The following PPM1B variants were observed in gnomAD, a reference collection of about 807,000 sequenced individuals.
PPM1B encodes the protein protein phosphatase 1B.
PPM1B carries 22 observed loss-of-function variants against 43.0 expected under a neutral mutation model. That is an observed-to-expected ratio of 0.51 (90% CI 0.37 to 0.73). PPM1B has a LOEUF of 0.73. PPM1B is among the 30% of genes least tolerant of loss of function. PPM1B has a pLI of 0.00. For synonymous variants in PPM1B, 217 were observed against 197.9 expected (o/e 1.10, Z -0.81); for missense variants, 632 against 584.2 (o/e 1.08, Z -0.84).
chr2:44,186,571 C>T (rs1350039440), intron 1 of PPM1B, among the ~76,000 whole-genome samples: 7 of 152,094 alleles, frequency 4.6e-5, no homozygotes, highest in African/African-American at 1.7e-4. Flanking sequence ...GACAGGGTCT[C>T]ACTATGTTGC....
At position 44,201,857 on chromosome 2, in the gene PPM1B, G is replaced by C. The variant is rs1295049406; in HGVS notation, c.658G>C (p.Val220Leu). 1 of 1,614,064 alleles carries C rather than the reference G, an allele frequency of 6.2e-7. No homozygotes were observed. Residue 220 changes from valine (V) to leucine (L), a missense_variant, in exon 2 of 6, where the codon GTT becomes CTT. By Grantham distance (32) the Val-to-Leu change is conservative. Around this residue, in one of 3 missense-constraint regions of PPM1B, gnomAD observed 40 missense variants for 80.8 expected, o/e 0.50. Transcript: ENST00000282412. This position sits in a 1 kb window ranked among gnomAD's most constrained non-coding sequence, Gnocchi z 5.4. ...VDGKGPTEQL[V>L]SPEPEVYEIL... ...TGGCAAGGGCCCAACAGAACAACTT[G>C]TTTCTCCAGAGCCTGAGGTTTATGA...
intron 1 of PPM1B, among the ~76,000 whole-genome samples, chr2:44,187,364 A>G (rs1350826543): frequency 6.6e-6 from 1 of 152,210 alleles, no homozygotes; most frequent in Non-Finnish European, 1.5e-5. Context: ...TAATATGGGT[A>G]CTACGATCAT....
chr2:44,212,890 G>C (rs1669543906), intron 3 of PPM1B, among the ~76,000 whole-genome samples: 1 of 151,814 alleles, frequency 6.6e-6, no homozygotes, highest in South Asian at 2.1e-4. Flanking sequence ...GTGGGCGCCT[G>C]TAGTCCCAGC....
chr2:44,244,332 A>G (rs1474292212), exon 6 of PPM1B: 7 of 1,361,776 alleles, frequency 5.1e-6, no homozygotes, highest in Non-Finnish European at 6.9e-6. Context: ...CGCGGACAAA[A>G]AGGTTTTTTT....
At chr2:44,225,771 C>G (rs1400208745) in intron 5 of PPM1B, among the ~76,000 whole-genome samples, 1 of 152,078 alleles carries the variant, frequency 6.6e-6, no homozygotes, top group Non-Finnish European at 1.5e-5. Context: ...ATTCTCCTGC[C>G]TCACCCTCCC....
intron 5 of PPM1B, among the ~76,000 whole-genome samples, chr2:44,240,359 C>T (rs1343270754): frequency 6.9e-6 from 1 of 145,912 alleles, no homozygotes; most frequent in Non-Finnish European, 1.5e-5. Context: ...TTTAACCTAT[C>T]ACTCCCTTTC....
At chr2:44,190,402 G>A (rs1668354649) in intron 1 of PPM1B, among the ~76,000 whole-genome samples, 1 of 151,928 alleles carries the variant, frequency 6.6e-6, no homozygotes, top group Non-Finnish European at 1.5e-5. Context: ...CACGTGATCT[G>A]CCCGTCTCAG....
intron 3 of PPM1B, among the ~76,000 whole-genome samples, chr2:44,210,420 G>C (rs1308408749): frequency 6.6e-6 from 1 of 151,902 alleles, no homozygotes; most frequent in Non-Finnish European, 1.5e-5. Context: ...AGGTCTCACT[G>C]TGTTGCCCAG....
At chr2:44,175,583 A>C (rs968385831) in intron 1 of PPM1B, among the ~76,000 whole-genome samples, 1 of 152,168 alleles carries the variant, frequency 6.6e-6, no homozygotes, top group African/African-American at 2.4e-5. Flanking sequence ...TTACAGCTGA[A>C]CTCCTTATGT....
chr2:44,245,081 A>T (rs1670831606), downstream of PPM1B, among the ~76,000 whole-genome samples: 2 of 152,100 alleles, frequency 1.3e-5, no homozygotes, highest in African/African-American at 4.8e-5. Context: ...ATGCCAAAAT[A>T]AACTACATTT....
In PPM1B at chr2:44,230,641, G is replaced by A. The variant is rs1403372535; in HGVS notation, c.1363G>A (p.Glu455Lys). 6.2e-7 allele frequency: 1 copy of A among 1,614,076 alleles called. No individual in the cohort carries two copies. Among genetic ancestry groups the A allele is most frequent in the African/African-American group, 1.3e-5 (1 of 74,938 alleles). The change falls in exon 6 of 6, where the codon GAA becomes AAA. Residue 455 changes from glutamate to lysine, a missense_variant. Glu to Lys is a moderately conservative substitution (Grantham distance 56). Around this residue, in one of 3 missense-constraint regions of PPM1B, gnomAD observed 392 missense variants for 302.7 expected, o/e 1.29. Transcript: ENST00000282412. Reference sequence around the variant, plus strand: ...AGTGACAATGCAGGAAAGCCATACTGAATCAGAAAGTGGTCTTGCTGAATT... The same window carrying A: ...AGTGACAATGCAGGAAAGCCATACTAAATCAGAAAGTGGTCTTGCTGAATT... ...NPVTMQESHT[E>K]SESGLAELDS...
chr2:44,194,819 G>A (rs982718795), intron 1 of PPM1B, among the ~76,000 whole-genome samples: 11 of 151,904 alleles, frequency 7.2e-5, no homozygotes, highest in African/African-American at 2.7e-4. Context: ...TTCTTGCTCT[G>A]GTCCTCAGCT....
intron 1 of PPM1B, among the ~76,000 whole-genome samples, chr2:44,195,293 T>C (rs567949325): frequency 2.0e-5 from 3 of 151,664 alleles, no homozygotes; most frequent in African/African-American, 7.3e-5. Context: ...AGCCTCAATC[T>C]CTTGGGCTCA....
downstream of PPM1B, among the ~76,000 whole-genome samples, chr2:44,246,101 C>T (rs561469641): frequency 6.6e-6 from 1 of 152,286 alleles, no homozygotes; most frequent in East Asian, 1.9e-4. Flanking sequence ...TATTCACCAT[C>T]CAGGACCCTT....
At chr2:44,235,983 A>G (rs1670596457), downstream of PPM1B, among the ~76,000 whole-genome samples, 1 of 152,122 alleles carries the variant, frequency 6.6e-6, no homozygotes, top group African/African-American at 2.4e-5. Flanking sequence ...TAAGCAACAA[A>G]TGCTTCCAAG....
chr2:44,218,353 T>C (rs1669820474), intron 4 of PPM1B, 127 bp from the exon 5 acceptor site: 1 of 738,434 alleles, frequency 1.4e-6, no homozygotes, highest in East Asian at 2.7e-5. Flanking sequence ...GTGTAGAAGG[T>C]ATGTTCTTGA....
chr2:44,202,511 T>C (rs1163295989), intron 2 of PPM1B, among the ~76,000 whole-genome samples: 1 of 152,214 alleles, frequency 6.6e-6, no homozygotes, highest in African/African-American at 2.4e-5. Flanking sequence ...AGACAAAAAC[T>C]GAAATAAAAA....
chr2:44,217,834 T>A (rs1669793078), intron 3 of PPM1B, 133 bp from the exon 4 acceptor site: 1 of 467,556 alleles, frequency 2.1e-6, no homozygotes, highest in East Asian at 3.6e-5. Context: ...TCTTAAAAAT[T>A]TTTTGTGTGT....
chr2:44,218,654 CT>C, intron 5 of PPM1B, 117 bp downstream of exon 5: 1 of 683,838 alleles, frequency 1.5e-6, no homozygotes, highest in East Asian at 3.0e-5. Flanking sequence ...TAAATTACTA[CT>C]GCTTTTCATT....
Sources: gnomAD v4.1 joint callset for allele counts (sites outside exome capture counted in the v4.1 genomes callset) on GRCh38, gnomAD v4.1.1 for gene constraint, gnomAD v4.1.1 regional missense constraint, Gnocchi (gnomAD v3.1) non-coding constraint, MANE v1.5 for transcripts, NCBI Gene and HGNC (gene_info 2026-07-23, HGNC 2026-07-21) for gene names.